SCOC: variants seen among roughly 807,000 people sequenced by gnomAD.
SCOC encodes short coiled coil protein.
In SCOC, 7 loss-of-function variants were observed where a neutral mutation model predicts 9.9. That is an observed-to-expected ratio of 0.71 (90% CI 0.40 to 1.33). The LOEUF (loss-of-function observed/expected upper bound fraction) is 1.33. Among genes scored for constraint, SCOC ranks in the 40% most tolerant of loss-of-function variants. The pLI, the probability that SCOC is intolerant of heterozygous loss-of-function variation, is 0.01. For missense variants in SCOC, 66 were observed against 89.7 expected (o/e 0.74, Z 1.07); for synonymous variants, 19 against 28.2 (o/e 0.67, Z 1.03).
chr4:140,270,901 C>T (rs1239298919), intron 1 of SCOC, among the ~76,000 whole-genome samples: 1 of 152,106 alleles, frequency 6.6e-6, no homozygotes, highest in Non-Finnish European at 1.5e-5. Flanking sequence ...AAGTTGAAAT[C>T]CTGAGAAGTA....
At chr4:140,293,488 C>G (rs1406095867) in intron 1 of SCOC, 1 of 430,984 alleles carries the variant, frequency 2.3e-6, no homozygotes, top group Non-Finnish European at 4.7e-6. Flanking sequence ...CGGTCTGACA[C>G]CTACTAAGAA....
chr4:140,381,057 G>A lies in SCOC; in HGVS notation c.202G>A (p.Ala68Thr). 1 of 1,602,492 alleles carries A rather than the reference G, an allele frequency of 6.2e-7. No individual in the cohort carries two copies. The change falls in exon 4 of 4, where the codon GCT becomes ACT. Residue 68 changes from alanine to threonine, a missense_variant. By Grantham distance (58) the Ala-to-Thr change is moderately conservative (BLOSUM62 0). Coordinates refer to ENST00000608372, the MANE Select transcript of SCOC (RefSeq NM_001153484.2). ...ACAATATATAGAAAATCTCATGTCA[G>A]CTTCTAGTGTTTTTCAAACAACTGA... Reference protein sequence around the residue: ...LGQYIENLMSASSVFQTTDTK... With the variant: ...LGQYIENLMSTSSVFQTTDTK...
At chr4:140,361,388 G>A (rs1284584172) in intron 2 of SCOC, among the ~76,000 whole-genome samples, 1 of 152,204 alleles carries the variant, frequency 6.6e-6, no homozygotes, top group Admixed American at 6.5e-5. Flanking sequence ...TTTTAGGCCA[G>A]CGCAGTGGCT....
Position 140,322,538 on chromosome 4 carries a change from T to C in SCOC, c.-18-21083T>C, listed in dbSNP as rs1310455353. ...AGTAGCAAAGAACTTAGCTGAATTA[T>C]GTTCATGTCCTAGGATTTTATGGAA... is the stretch of plus-strand genomic sequence containing the variant. On this transcript the variant is annotated intron_variant, in intron 1 of 4. Transcript: ENST00000394205. Among the ~76,000 whole-genome samples, 4 of 152,348 alleles carry C rather than the reference T, an allele frequency of 2.6e-5. No individual in the cohort carries two copies. The South Asian group carries it at 6.2e-4, about 24-fold the overall frequency.
chr4:140,260,772 A>G (rs1382209350), intron 1 of SCOC, among the ~76,000 whole-genome samples: 1 of 152,234 alleles, frequency 6.6e-6, no homozygotes, highest in Non-Finnish European at 1.5e-5. Context: ...TATGTGTAAT[A>G]TATCCCAGGT....
intron 1 of SCOC, among the ~76,000 whole-genome samples, chr4:140,377,461 C>T (rs1728391314): frequency 6.6e-6 from 1 of 152,186 alleles, no homozygotes; most frequent in Admixed American, 6.5e-5. Flanking sequence ...GGGACAGATG[C>T]TAGAAGACTT....
chr4:140,341,198 C>G (rs1466649202), upstream of SCOC, among the ~76,000 whole-genome samples: 1 of 152,082 alleles, frequency 6.6e-6, no homozygotes, highest in African/African-American at 2.4e-5. Context: ...TCAATCCTAT[C>G]AAAACATAAA....
intron 1 of SCOC, among the ~76,000 whole-genome samples, chr4:140,272,055 C>A (rs1367944925): frequency 7.2e-6 from 1 of 138,662 alleles, no homozygotes; most frequent in African/African-American, 3.1e-5. Context: ...TCTCTATCAT[C>A]ACTTTTTTTT....
chr4:140,319,058 C>T (rs1384416862), intron 1 of SCOC, among the ~76,000 whole-genome samples: 1 of 152,112 alleles, frequency 6.6e-6, no homozygotes, highest in Non-Finnish European at 1.5e-5. Context: ...GCTCTAAGTT[C>T]TACTGTGAGC....
intron 1 of SCOC, among the ~76,000 whole-genome samples, chr4:140,376,978 G>A (rs62347388): frequency 0.13 from 19,861 of 152,204 alleles, 1,681 homozygotes; most frequent in Middle Eastern, 0.19. Flanking sequence ...CGTTCTAGCT[G>A]TAGCCTTAAA....
intron 1 of SCOC, among the ~76,000 whole-genome samples, chr4:140,307,067 C>G (rs997690709): frequency 6.6e-6 from 1 of 152,080 alleles, no homozygotes; most frequent in African/African-American, 2.4e-5. Flanking sequence ...GCCCAAGGGA[C>G]GTTGTTCATC....
intron 2 of SCOC, among the ~76,000 whole-genome samples, chr4:140,360,463 C>T (rs549547752): frequency 6.6e-5 from 10 of 152,102 alleles, no homozygotes; most frequent in African/African-American, 2.2e-4. Flanking sequence ...GTGTACCTAA[C>T]GTTCTGTAAG....
chr4:140,265,484 T>C (rs577666628), intron 1 of SCOC, among the ~76,000 whole-genome samples: 2 of 152,310 alleles, frequency 1.3e-5, no homozygotes, highest in East Asian at 1.9e-4. Flanking sequence ...TGAGCCACAA[T>C]AGGCTCTGAG....
At chr4:140,346,992 G>GA (rs1268844534) in intron 2 of SCOC, among the ~76,000 whole-genome samples, 6 of 152,144 alleles carry the variant, frequency 3.9e-5, no homozygotes, top group East Asian at 1.9e-4. Flanking sequence ...CAATTGCTGT[G>GA]ATAAAAAGCA....
At chr4:140,285,112 C>T (rs533290753) in intron 1 of SCOC, 35 of 449,864 alleles carry the variant, frequency 7.8e-5, no homozygotes, top group South Asian at 4.7e-4. Flanking sequence ...CTTAGAGAAT[C>T]GAGGCAAACT....
chr4:140,369,246 T>C, upstream of SCOC: 1 of 448,130 alleles, frequency 2.2e-6, no homozygotes, highest in East Asian at 7.1e-5. Flanking sequence ...TACTAGGCTG[T>C]AGTATACAAT....
At chr4:140,293,064 G>A (rs561819808) in intron 1 of SCOC, among the ~76,000 whole-genome samples, 1 of 152,312 alleles carries the variant, frequency 6.6e-6, no homozygotes, top group Non-Finnish European at 1.5e-5. Flanking sequence ...CGATTCCCCT[G>A]TAGAACACTT....
intron 2 of SCOC, among the ~76,000 whole-genome samples, chr4:140,365,474 A>G (rs1560722874): frequency 6.6e-6 from 1 of 152,248 alleles, no homozygotes; most frequent in Non-Finnish European, 1.5e-5. Context: ...AGGCACTGAA[A>G]CCAAAGCAGT....
intron 1 of SCOC, among the ~76,000 whole-genome samples, chr4:140,267,749 G>A (rs1730760700): frequency 6.6e-6 from 1 of 152,082 alleles, no homozygotes; most frequent in South Asian, 2.1e-4. Flanking sequence ...GCCCCGAGGT[G>A]GTGTCAGCTT....
Sources: gnomAD v4.1 joint callset for allele counts (sites outside exome capture counted in the v4.1 genomes callset) on GRCh38, gnomAD v4.1.1 for gene constraint, MANE v1.5 for transcripts, NCBI Gene and HGNC (gene_info 2026-07-23, HGNC 2026-07-21) for gene names.